Variants in WDR37 observed in about 807,000 individuals in gnomAD.
WDR37 encodes the protein WD repeat domain 37.
WDR37 carries 19 observed loss-of-function variants against 62.9 expected under a neutral mutation model. That is an observed-to-expected ratio of 0.30 (90% CI 0.21 to 0.44). The LOEUF is 0.44. Among genes scored for constraint, WDR37 ranks in the 20% least tolerant of loss-of-function variants. WDR37 has a pLI of 1.00. For synonymous variants in WDR37, 250 were observed against 260.9 expected (o/e 0.96, Z 0.40); for missense variants, 474 against 657.6 (o/e 0.72, Z 3.05).
rs375856119 is a variant in WDR37, at chr10:1,126,338, G to A, written c.1353+1314G>A. Among the ~76,000 whole-genome samples, 370 of 151,268 alleles carry A rather than the reference G, an allele frequency of 2.4e-3. 1 individual carries two copies. The highest frequency in any genetic ancestry group is 0.013 in the East Asian group (69 of 5,144). On this transcript the variant is annotated intron_variant, in intron 13 of 13. Coordinates refer to ENST00000263150, the MANE Select transcript of WDR37 (RefSeq NM_014023.4). ...GGAGAATGGCGTGAACCCAGGAGGCGGAGCTTGCAGTGAGCTGAGATCGCG... is the reference window on the plus strand; with the variant it reads ...GGAGAATGGCGTGAACCCAGGAGGCAGAGCTTGCAGTGAGCTGAGATCGCG...
At position 1,121,885 on chromosome 10, in the gene WDR37, C is replaced by T. The variant is rs529277355; in HGVS notation, c.1104-2333C>T. On this transcript the variant is annotated intron_variant, in intron 11 of 13. Coordinates refer to ENST00000263150, the MANE Select transcript of WDR37 (RefSeq NM_014023.4). The surrounding 1 kb of genome is among the most constrained non-coding windows in gnomAD (Gnocchi z 4.5). Reference sequence around the variant, plus strand: ...TCATCCTGACTGTGTTCCGGGGTCTCGGTGTCAGAGCGTGTTGCCAGGTGT... The same window carrying T: ...TCATCCTGACTGTGTTCCGGGGTCTTGGTGTCAGAGCGTGTTGCCAGGTGT... 6.6e-5 allele frequency among the ~76,000 whole-genome samples: 10 copies of T among 152,212 alleles called. No individual in the cohort carries two copies. The highest frequency in any genetic ancestry group is 1.9e-4 in the East Asian group (1 of 5,190).
chr10:1,082,353 G>A (rs1834054067), intron 5 of WDR37, among the ~76,000 whole-genome samples: 1 of 152,178 alleles, frequency 6.6e-6, no homozygotes, highest in Non-Finnish European at 1.5e-5. Flanking sequence ...CTTCCTGGGT[G>A]GCTAATGAGA....
intron 11 of WDR37, among the ~76,000 whole-genome samples, chr10:1,111,966 A>G (rs1835231057): frequency 6.6e-6 from 1 of 151,626 alleles, no homozygotes; most frequent in Non-Finnish European, 1.5e-5. Context: ...CAGTGGTGCA[A>G]TCTCGGCTCA....
At chr10:1,126,408 A>AC (rs1221671806) in intron 13 of WDR37, among the ~76,000 whole-genome samples, 1 of 146,166 alleles carries the variant, frequency 6.8e-6, no homozygotes, top group Admixed American at 6.8e-5. Context: ...TGTGTCTCAG[A>AC]AAAAAAAAAA....
intron 9 of WDR37, among the ~76,000 whole-genome samples, chr10:1,099,473 A>G (rs1431818674): frequency 6.6e-6 from 1 of 152,248 alleles, no homozygotes; most frequent in South Asian, 2.1e-4. Context: ...ACACTGTTCT[A>G]TGTGGAGATA....
At chr10:1,107,294 C>T (rs1330407506) in intron 11 of WDR37, among the ~76,000 whole-genome samples, 2 of 132,598 alleles carry the variant, frequency 1.5e-5, no homozygotes, top group African/African-American at 2.9e-5. Context: ...CACCTGGCAC[C>T]ACTGTGTAGG....
At chr10:1,089,342 G>A (rs1214038218) in intron 7 of WDR37, among the ~76,000 whole-genome samples, 1 of 152,118 alleles carries the variant, frequency 6.6e-6, no homozygotes, top group South Asian at 2.1e-4. Context: ...GAGGGAGTGC[G>A]TCAGCTAGTG....
chr10:1,075,963 A>G (rs1384705346), intron 2 of WDR37, among the ~76,000 whole-genome samples: 1 of 151,994 alleles, frequency 6.6e-6, no homozygotes, highest in African/African-American at 2.4e-5. Flanking sequence ...TATTTTTAGT[A>G]GAGACGAAGT....
chr10:1,078,029 T>A (rs749179898), intron 3 of WDR37, 26 bp downstream of exon 3: 6 of 1,526,610 alleles, frequency 3.9e-6, no homozygotes, highest in Non-Finnish European at 5.4e-6. Flanking sequence ...TTTAATATAC[T>A]TTTATAGCTT....
At chr10:1,102,158 C>T (rs1378871513) in intron 9 of WDR37, among the ~76,000 whole-genome samples, 2 of 145,632 alleles carry the variant, frequency 1.4e-5, no homozygotes, top group South Asian at 2.2e-4. Context: ...TGCTGTTGTG[C>T]GTCCCTGTGA....
At position 1,121,267 on chromosome 10, in the gene WDR37, TATTA is replaced by T. The variant is rs1226978700; in HGVS notation, c.1104-2947_1104-2944del. Among the ~76,000 whole-genome samples the T allele has an allele frequency of 2.6e-5, 4 of 152,194 alleles. No individual in the cohort carries two copies. Among genetic ancestry groups the T allele is most frequent in the Non-Finnish European group, 4.4e-5 (3 of 68,034 alleles). On this transcript the variant is annotated intron_variant, in intron 11 of 13. Coordinates refer to ENST00000263150, the MANE Select transcript of WDR37 (RefSeq NM_014023.4). This position sits in a 1 kb window ranked among gnomAD's most constrained non-coding sequence, Gnocchi z 4.5. ...CGATCTTTTGTTGAGCCTTTTTTCCTATTAATTTAGCAGAATGTTCACTGAAACT... is the reference window on the plus strand; with the variant it reads ...CGATCTTTTGTTGAGCCTTTTTTCCTATTTAGCAGAATGTTCACTGAAACT...
intron 11 of WDR37, chr10:1,124,007 G>T: frequency 3.4e-6 from 2 of 596,468 alleles, no homozygotes; most frequent in Non-Finnish European, 5.8e-6. Flanking sequence ...AGAATGGACT[G>T]TGTGTTTCTG....
At chr10:1,117,805 C>T (rs1032942839) in intron 11 of WDR37, among the ~76,000 whole-genome samples, 1 of 152,212 alleles carries the variant, frequency 6.6e-6, no homozygotes, top group Admixed American at 6.5e-5. Flanking sequence ...AGAGCCAGGG[C>T]CCGGGTGGCA....
rs1833631663 is a variant in WDR37, at chr10:1,068,717, AT to A, written c.-40-3398del. ...TAGAAAAAAACCACAAAAACTAAAC[AT>A]GATTAAACATAAGCAATTCTGTTTC... On this transcript the variant is annotated intron_variant, in intron 1 of 13. Transcript: ENST00000263150. Among the ~76,000 whole-genome samples the A allele has an allele frequency of 2.6e-5, 4 of 152,352 alleles. No homozygotes were observed. In the South Asian group the frequency reaches 8.3e-4, roughly 32 times the overall value.
chr10:1,077,824 A>C, intron 2 of WDR37, 83 bp from the exon 3 acceptor site: 1 of 1,003,506 alleles, frequency 1.0e-6, no homozygotes, highest in Non-Finnish European at 1.5e-6. Context: ...TTACAATAAA[A>C]GATAATTCAC....
rs776031611 is a variant in WDR37, at chr10:1,080,007, C to G, written c.236-4C>G. 10 of 1,613,416 alleles carry G rather than the reference C, an allele frequency of 6.2e-6. No homozygotes were observed. The highest frequency in any genetic ancestry group is 6.8e-6 in the Non-Finnish European group (8 of 1,179,728). On this transcript the variant is annotated splice_polypyrimidine_tract_variant and splice_region_variant and intron_variant, in intron 3 of 13. Coordinates refer to ENST00000263150, the MANE Select transcript of WDR37 (RefSeq NM_014023.4). ...TAGATTTTTGAAAACTTTTTTCTTC[C>G]CAGTACGTAGAGAAATCGACACTCT...
At chr10:1,096,999 G>A (rs1431699375) in intron 9 of WDR37, among the ~76,000 whole-genome samples, 2 of 152,204 alleles carry the variant, frequency 1.3e-5, no homozygotes, top group East Asian at 1.9e-4. Flanking sequence ...GACAGGTCAC[G>A]GGGAACCGGA....
intron 9 of WDR37, among the ~76,000 whole-genome samples, chr10:1,100,548 G>T (rs1834760021): frequency 6.6e-6 from 1 of 152,172 alleles, no homozygotes; most frequent in African/African-American, 2.4e-5. Flanking sequence ...AATCATTATA[G>T]CTTTTGGGCA....
At chr10:1,086,041 A>C (rs1042380946) in intron 6 of WDR37, among the ~76,000 whole-genome samples, 1 of 152,344 alleles carries the variant, frequency 6.6e-6, no homozygotes, top group East Asian at 1.9e-4. Flanking sequence ...CTGATAGTAA[A>C]GTAGGAAATC....
Sources: gnomAD v4.1 joint callset for allele counts (sites outside exome capture counted in the v4.1 genomes callset) on GRCh38, gnomAD v4.1.1 for gene constraint, Gnocchi (gnomAD v3.1) non-coding constraint, MANE v1.5 for transcripts, NCBI Gene and HGNC (gene_info 2026-07-23, HGNC 2026-07-21) for gene names.